Variants in FOXN3 observed in about 807,000 individuals in gnomAD.
The protein encoded by FOXN3 is forkhead box N3, also known as forkhead box protein N3.
A neutral mutation model predicts 38.4 loss-of-function variants in FOXN3; 7 were observed. The ratio of observed to expected loss-of-function variants is 0.18; its 90% CI spans 0.10 to 0.34. FOXN3 has a LOEUF of 0.34. Ranked by LOEUF, FOXN3 falls within the 10% of genes least tolerant of loss-of-function variation. The pLI, the probability that FOXN3 is intolerant of heterozygous loss-of-function variation, is 1.00. For synonymous variants in FOXN3, 230 were observed against 242.2 expected, an observed-to-expected ratio of 0.95 and a Z score of 0.47; for missense variants, 456 against 613.4, an observed-to-expected ratio of 0.74 and a Z score of 2.71.
chr14:89,541,119 G>A (rs531943500), intron 1 of FOXN3, among the ~76,000 whole-genome samples: 3 of 152,228 alleles, frequency 2.0e-5, no homozygotes, highest in East Asian at 1.9e-4. Flanking sequence ...CAGATCTCTC[G>A]CAAATATTTG....
intron 1 of FOXN3, among the ~76,000 whole-genome samples, chr14:89,458,098 C>T (rs1217430606): frequency 6.8e-6 from 1 of 147,514 alleles, no homozygotes; most frequent in African/African-American, 2.5e-5. Context: ...CTGAACATTA[C>T]TCTTGATGTC....
intron 1 of FOXN3, among the ~76,000 whole-genome samples, chr14:89,416,123 G>C (rs1891710894): frequency 6.6e-6 from 1 of 152,070 alleles, no homozygotes; most frequent in Admixed American, 6.5e-5. Flanking sequence ...CGCCCACCCA[G>C]CACGCGCGCG....
chr14:89,533,661 CAAAAAAAAAAA>C (rs34194637), intron 1 of FOXN3, among the ~76,000 whole-genome samples: 54 of 65,930 alleles, frequency 8.2e-4, no homozygotes, highest in Middle Eastern at 0.012. Context: ...GACTCTGTCT[CAAAAAAAAAAA>C]AAAAAAAAAA....
chr14:89,177,337 A>G (rs1260745565), intron 5 of FOXN3, among the ~76,000 whole-genome samples: 1 of 152,130 alleles, frequency 6.6e-6, no homozygotes, highest in Non-Finnish European at 1.5e-5. Flanking sequence ...GTTTATGCAA[A>G]TCGTAACTTG....
intron 1 of FOXN3, among the ~76,000 whole-genome samples, chr14:89,584,302 G>A (rs903692261): frequency 1.3e-5 from 2 of 152,134 alleles, no homozygotes; most frequent in African/African-American, 4.8e-5. Flanking sequence ...TCAGGAAGCT[G>A]AGGCAGGAGA....
chr14:89,311,062 C>T (rs568254906), intron 3 of FOXN3, among the ~76,000 whole-genome samples: 64 of 148,524 alleles, frequency 4.3e-4, no homozygotes, highest in East Asian at 3.8e-3. Context: ...GCCAAGATCG[C>T]GCCATTGCAT....
chr14:89,272,874 A>T (rs1886191310), intron 4 of FOXN3, among the ~76,000 whole-genome samples: 1 of 152,186 alleles, frequency 6.6e-6, no homozygotes, highest in Non-Finnish European at 1.5e-5. Context: ...AAAATAAAAT[A>T]AAAATAAAAT....
In FOXN3 at chr14:89,159,518, T is replaced by C. The variant is rs1398136883; in HGVS notation, c.*2896A>G. On this transcript the variant is annotated 3_prime_UTR_variant, in exon 6 of 6. Coordinates refer to ENST00000557258, the MANE Select transcript of FOXN3 (RefSeq NM_005197.4). Reference sequence around the variant, plus strand: ...TTCTCAAAGAGATCAGAAAAGTAAATCACACACATTGCATTTTATTATTTT... The same window carrying C: ...TTCTCAAAGAGATCAGAAAAGTAAACCACACACATTGCATTTTATTATTTT... 2 of 152,614 alleles carry C rather than the reference T, an allele frequency of 1.3e-5. No individual in the cohort carries two copies. The highest frequency in any genetic ancestry group is 2.4e-5 in the African/African-American group (1 of 41,432). 9.5% of individuals were successfully genotyped at this position (152,614 alleles called of 1,614,324 possible).
chr14:89,516,800 C>T (rs1300204825), intron 1 of FOXN3, among the ~76,000 whole-genome samples: 1 of 152,076 alleles, frequency 6.6e-6, no homozygotes, highest in Non-Finnish European at 1.5e-5. Context: ...CGAGCTCAAG[C>T]GATCTGTCCA....
At chr14:89,381,532 C>CAAAAAAAAAAAAAA (rs71897384) in intron 2 of FOXN3, among the ~76,000 whole-genome samples, 17 of 75,936 alleles carry the variant, frequency 2.2e-4, no homozygotes, top group Non-Finnish European at 3.6e-4. Flanking sequence ...CCTCAAAAAG[C>CAAAAAAAAAAAAAA]AAAAAAAAAA....
chr14:89,550,905 A>G (rs1894992069), intron 1 of FOXN3, among the ~76,000 whole-genome samples: 1 of 152,180 alleles, frequency 6.6e-6, no homozygotes, highest in African/African-American at 2.4e-5. Flanking sequence ...CTGTGGGGGT[A>G]GGGGCAGGCA....
chr14:89,357,810 A>T (rs1889297484), intron 2 of FOXN3, among the ~76,000 whole-genome samples: 1 of 152,272 alleles, frequency 6.6e-6, no homozygotes, highest in Middle Eastern at 3.4e-3. Flanking sequence ...TGATGATGCA[A>T]TTGCCTAACG....
At chr14:89,589,067 T>C (rs1596326166) in intron 1 of FOXN3, among the ~76,000 whole-genome samples, 1 of 152,174 alleles carries the variant, frequency 6.6e-6, no homozygotes. Context: ...TATGGTATTA[T>C]TAACTATAAA....
intron 3 of FOXN3, among the ~76,000 whole-genome samples, chr14:89,308,480 G>C (rs1192757369): frequency 6.6e-6 from 1 of 152,192 alleles, no homozygotes; most frequent in Admixed American, 6.5e-5. Context: ...ACTGTCTTCA[G>C]GCTGTACCTG....
At chr14:89,306,820 G>A (rs150309926) in intron 3 of FOXN3, among the ~76,000 whole-genome samples, 8 of 152,222 alleles carry the variant, frequency 5.3e-5, no homozygotes, top group African/African-American at 1.7e-4. Context: ...GTAATGGTCA[G>A]GGAAAAAAGA....
rs1053114213 is a variant in FOXN3 at position 89,484,693 on chromosome 14, C to T, written c.-14-72203G>A. On this transcript the variant is annotated intron_variant, in intron 1 of 6. Transcript: ENST00000345097. The surrounding 1 kb of genome is among the most constrained non-coding windows in gnomAD (Gnocchi z 4.0). ...ACAAATACTGCTATTCTAGTTCTTC[C>T]GCTTCCTGGTGGCTGGTGATCCCAG... is the stretch of plus-strand genomic sequence containing the variant. Among the ~76,000 whole-genome samples the T allele has an allele frequency of 6.6e-6, 1 of 152,094 alleles. No individual in the cohort carries two copies. Among genetic ancestry groups the T allele is most frequent in the Non-Finnish European group, 1.5e-5 (1 of 68,022 alleles).
chr14:89,464,342 C>T (rs10138419), intron 1 of FOXN3, among the ~76,000 whole-genome samples: 7,164 of 152,192 alleles, frequency 0.047, 240 homozygotes, highest in African/African-American at 0.085. Flanking sequence ...ATAGCCTTCC[C>T]CTGATTCATG....
chr14:89,162,874 C>A lies in FOXN3; in HGVS notation c.947G>T (p.Ser316Ile), dbSNP rs777509511. Residue 316 changes from serine (S) to isoleucine (I), a missense_variant, in exon 6 of 6, where the codon AGC becomes ATC. Coordinates refer to ENST00000557258, the MANE Select transcript of FOXN3 (RefSeq NM_005197.4). This position sits in a 1 kb window ranked among gnomAD's most constrained non-coding sequence, Gnocchi z 7.2. ...SGDPKEDHNY[S>I]SAKSSNARST... The stretch of plus-strand genomic sequence containing the variant: ...CCGGGCGTTGGAGGACTTGGCACTG[C>A]TGTAGTTGTGATCCTCCTTGGGGTC... 1 of 1,611,702 alleles carries A rather than the reference C, an allele frequency of 6.2e-7. No individual in the cohort carries two copies. Among genetic ancestry groups the A allele is most frequent in the African/African-American group, 1.3e-5 (1 of 75,044 alleles).
chr14:89,522,118 C>T (rs1894332631), intron 1 of FOXN3, among the ~76,000 whole-genome samples: 1 of 151,338 alleles, frequency 6.6e-6, no homozygotes, highest in East Asian at 1.9e-4. Context: ...AGAGCTGTAT[C>T]TTTATTGCTC....
Sources: gnomAD v4.1 joint callset for allele counts (sites outside exome capture counted in the v4.1 genomes callset) on GRCh38, gnomAD v4.1.1 for gene constraint, Gnocchi (gnomAD v3.1) non-coding constraint, MANE v1.5 for transcripts, NCBI Gene and HGNC (gene_info 2026-07-23, HGNC 2026-07-21) for gene names.